Variants in GPR137B observed in about 807,000 individuals in gnomAD.
The protein encoded by GPR137B is G protein-coupled receptor 137B, also known as integral membrane protein GPR137B.
GPR137B carries 42 observed loss-of-function variants against 42.5 expected under a neutral mutation model. The observed-to-expected ratio is 0.99, with a 90% CI of 0.77 to 1.28. The LOEUF (loss-of-function observed/expected upper bound fraction) is 1.28, where lower values mean the gene tolerates loss of function less well. Ranked by LOEUF, GPR137B falls within the 50% of genes most tolerant of loss-of-function variation. The probability of loss-of-function intolerance (pLI) is 0.00; values close to 1 mark genes in which losing one functional copy is unlikely to be tolerated. For missense variants in GPR137B, 487 were observed against 493.9 expected (o/e 0.99, Z 0.13); for synonymous variants, 218 against 209.7 (o/e 1.04, Z -0.34).
At chr1:236,158,682 G>T (rs942608094) in intron 1 of GPR137B, among the ~76,000 whole-genome samples, 2 of 152,158 alleles carry the variant, frequency 1.3e-5, no homozygotes, top group African/African-American at 4.8e-5. Flanking sequence ...GTCCCCCTCA[G>T]TTACTGCGAG....
chr1:236,181,973 A>T (rs1264195418), intron 4 of GPR137B, among the ~76,000 whole-genome samples: 1 of 146,354 alleles, frequency 6.8e-6, no homozygotes. Flanking sequence ...GCTCACTGCA[A>T]CCTCCGCCTC....
At chr1:236,151,506 A>G (rs1447642631) in intron 1 of GPR137B, among the ~76,000 whole-genome samples, 2 of 144,852 alleles carry the variant, frequency 1.4e-5, no homozygotes, top group Non-Finnish European at 3.0e-5. Flanking sequence ...TCACTGCAAC[A>G]TCTGCCTCCC....
At position 236,205,223 on chromosome 1, in the gene GPR137B, A is replaced by T; in HGVS notation, c.1064A>T (p.Asn355Ile). ...GACAGTGATGATGACCTTGCCTGGA[A>T]CATTGCCCCTCAGGGACTTCAGGGA... The part of the protein sequence containing the change: ...RYDSDDDLAW[N>I]IAPQGLQGGF... Residue 355 changes from asparagine to isoleucine, a missense_variant, in exon 6 of 7, where the codon AAC (asparagine) becomes ATC (isoleucine). Physicochemically the swap from Asn to Ile is moderately radical, Grantham distance 149 (BLOSUM62 -3). Transcript: ENST00000366592. 1.9e-6 allele frequency: 3 copies of T among 1,613,628 alleles called. No homozygotes were observed. The highest frequency in any genetic ancestry group is 2.5e-6 in the Non-Finnish European group (3 of 1,179,556).
intron 5 of GPR137B, among the ~76,000 whole-genome samples, chr1:236,188,559 T>G (rs1663100529): frequency 6.6e-6 from 1 of 152,250 alleles, no homozygotes; most frequent in African/African-American, 2.4e-5. Flanking sequence ...AGGTCTTTTC[T>G]GCATCTATTG....
At chr1:236,159,441 G>A (rs1490185397) in intron 1 of GPR137B, among the ~76,000 whole-genome samples, 2 of 151,758 alleles carry the variant, frequency 1.3e-5, no homozygotes, top group South Asian at 2.1e-4. Context: ...CGAGGCAGGC[G>A]GATCACGAGA....
At chr1:236,152,538 A>G (rs557062417) in intron 1 of GPR137B, among the ~76,000 whole-genome samples, 81 of 152,006 alleles carry the variant, frequency 5.3e-4, no homozygotes, top group Non-Finnish European at 8.5e-4. Context: ...CGGGTGGATC[A>G]TCTGAGGTCA....
intron 1 of GPR137B, among the ~76,000 whole-genome samples, chr1:236,159,623 A>G (rs1436194468): frequency 6.6e-6 from 1 of 152,196 alleles, no homozygotes; most frequent in Admixed American, 6.5e-5. Context: ...CAGGAAAAAA[A>G]AAAAGAAAAG....
intron 2 of GPR137B, 147 bp downstream of exon 2, chr1:236,168,902 A>C: frequency 4.4e-6 from 3 of 687,528 alleles, no homozygotes; most frequent in Non-Finnish European, 8.1e-6. Flanking sequence ...CACATTGTGC[A>C]CATCATGTGC....
Position 236,150,307 on chromosome 1 carries a change from ATGTGCCTGTGTGTG to A in GPR137B, c.414+7275_414+7288del, listed in dbSNP as rs1661819087. Among the ~76,000 whole-genome samples, 1 of 98,084 alleles carries A rather than the reference ATGTGCCTGTGTGTG, an allele frequency of 1.0e-5. No homozygotes were observed. The highest frequency in any genetic ancestry group is 2.2e-5 in the Non-Finnish European group (1 of 44,796). 64.3% of individuals were successfully genotyped at this position (98,084 alleles called of 152,430 possible). On this transcript the variant is annotated intron_variant, in intron 1 of 6. Transcript: ENST00000366592. This position sits in a 1 kb window ranked among gnomAD's most constrained non-coding sequence, Gnocchi z 6.2. The stretch of plus-strand genomic sequence containing the variant: ...TGTGTCTTTGCCTGTGTTTGTGTGT[ATGTGCCTGTGTGTG>A]TGTCTGTGCATGTGTGTGCCTGTGT...
chr1:236,163,423 G>A (rs1662256221), intron 1 of GPR137B, among the ~76,000 whole-genome samples: 1 of 152,184 alleles, frequency 6.6e-6, no homozygotes, highest in Non-Finnish European at 1.5e-5. Context: ...GGGAAGGCAT[G>A]ATTGGTTTTG....
At chr1:236,175,903 C>A (rs917204431) in intron 2 of GPR137B, among the ~76,000 whole-genome samples, 1 of 152,170 alleles carries the variant, frequency 6.6e-6, no homozygotes, top group Admixed American at 6.5e-5. Context: ...CTGACCTACA[C>A]CAAGGGCTTT....
chr1:236,147,720 A>C (rs1195345802), intron 1 of GPR137B, among the ~76,000 whole-genome samples: 2 of 152,144 alleles, frequency 1.3e-5, no homozygotes, highest in Non-Finnish European at 2.9e-5. Context: ...GTCCCAGCTC[A>C]GCAAGCATCT....
At chr1:236,208,011 T>C in intron 6 of GPR137B, 39 bp from the exon 7 acceptor site, 5 of 1,455,654 alleles carry the variant, frequency 3.4e-6, no homozygotes, top group Non-Finnish European at 4.8e-6. Flanking sequence ...ACATACTATA[T>C]AATGTTTCAA....
At chr1:236,169,210 G>A (rs141730544) in intron 2 of GPR137B, among the ~76,000 whole-genome samples, 72 of 133,366 alleles carry the variant, frequency 5.4e-4, no homozygotes, top group Middle Eastern at 7.5e-3. Flanking sequence ...AGGTGCAGGT[G>A]CAGGTACAGG....
At chr1:236,169,210 GCAGGTA>G (rs200459012) in intron 2 of GPR137B, among the ~76,000 whole-genome samples, 2,722 of 133,308 alleles carry the variant, frequency 0.02, 61 homozygotes, top group African/African-American at 0.079. Context: ...AGGTGCAGGT[GCAGGTA>G]CAGGTACAGG....
At chr1:236,178,334 C>G (rs1037995793) in intron 2 of GPR137B, 80 bp from the exon 3 acceptor site, 1 of 810,672 alleles carries the variant, frequency 1.2e-6, no homozygotes, top group Non-Finnish European at 2.2e-6. Context: ...CTGCTTCTAG[C>G]AGTTCACCAA....
chr1:236,159,263 A>G (rs975227265), intron 1 of GPR137B, among the ~76,000 whole-genome samples: 2 of 152,160 alleles, frequency 1.3e-5, no homozygotes, highest in Non-Finnish European at 2.9e-5. Context: ...GCAATGAGCT[A>G]TGATGGCACC....
chr1:236,142,697 C>A lies in GPR137B; in HGVS notation c.75C>A (p.Arg25=), dbSNP rs1302115330. 3.8e-6 allele frequency: 6 copies of A among 1,589,190 alleles called. No homozygotes were observed. The highest frequency in any genetic ancestry group is 5.1e-6 in the Non-Finnish European group (6 of 1,172,366). Residue 25 remains arginine, a synonymous_variant, in exon 1 of 7, where the codon CGC becomes CGA. Coordinates refer to ENST00000366592, the MANE Select transcript of GPR137B (RefSeq NM_003272.4). The part of the protein sequence containing the change: ...PMETPPWDPA[R]NDSLPPTLTP... ...AGACCCCGCCGTGGGACCCAGCCCG[C>A]AACGACTCGCTGCCGCCCACGCTGA...
At chr1:236,145,985 G>A (rs949748214) in intron 1 of GPR137B, among the ~76,000 whole-genome samples, 1 of 152,162 alleles carries the variant, frequency 6.6e-6, no homozygotes, top group Non-Finnish European at 1.5e-5. Context: ...AGCCTCCCGA[G>A]TATCTGGGAT....
Sources: allele counts gnomAD v4.1 joint callset (sites outside exome capture counted in the v4.1 genomes callset), GRCh38; gene constraint gnomAD v4.1.1; non-coding constraint Gnocchi (gnomAD v3.1); transcripts MANE v1.5; gene names NCBI Gene and HGNC (gene_info 2026-07-23, HGNC 2026-07-21).